The following SEPTIN8 variants were observed in gnomAD, a reference collection of about 807,000 sequenced individuals.
SEPTIN8 encodes the protein septin 8.
A neutral mutation model predicts 53.1 loss-of-function variants in SEPTIN8; 22 were observed. That is an observed-to-expected ratio of 0.41 (90% CI 0.30 to 0.59). The LOEUF is 0.59. SEPTIN8 is among the 20% of genes least tolerant of loss of function. The pLI, the probability that SEPTIN8 is intolerant of heterozygous loss-of-function variation, is 0.24. For missense variants in SEPTIN8, 536 were observed against 638.7 expected, an observed-to-expected ratio of 0.84 and a Z score of 1.73; for synonymous variants, 228 against 248.4, an observed-to-expected ratio of 0.92 and a Z score of 0.77.
rs548599650 is a variant in SEPTIN8 at position 132,773,159 on chromosome 5, T to TCTG, written c.30+3948_30+3949insCAG. On this transcript the variant is annotated intron_variant, in intron 1 of 9. Coordinates refer to ENST00000378719, the MANE Select transcript of SEPTIN8 (RefSeq NM_001098811.2). The surrounding 1 kb of genome is among the most constrained non-coding windows in gnomAD (Gnocchi z 4.2). ...AGAAGCCAACAGAGTGCCCCAGCTC[T>TCTG]ACCACAAGGGCATGGAGACCTTGGG... Among the ~76,000 whole-genome samples, 864 of 152,312 alleles carry TCTG rather than the reference T, an allele frequency of 5.7e-3. 5 individuals are homozygous for TCTG. Among genetic ancestry groups the TCTG allele is most frequent in the African/African-American group, 0.02 (828 of 41,558 alleles).
intron 9 of SEPTIN8, among the ~76,000 whole-genome samples, chr5:132,759,583 G>A (rs1755682161): frequency 6.6e-6 from 1 of 152,194 alleles, no homozygotes; most frequent in African/African-American, 2.4e-5. Flanking sequence ...GCCAGTACCT[G>A]GGTCACAGAC....
intron 9 of SEPTIN8, among the ~76,000 whole-genome samples, chr5:132,754,969 C>G (rs2149949789): frequency 6.6e-6 from 1 of 152,318 alleles, no homozygotes; most frequent in Middle Eastern, 3.4e-3. Flanking sequence ...ATAGACCTGT[C>G]TTAAACTTGT....
intron 9 of SEPTIN8, chr5:132,759,066 C>T: frequency 3.0e-6 from 2 of 662,074 alleles, no homozygotes; most frequent in Non-Finnish European, 2.9e-6. Flanking sequence ...TATGCATAAC[C>T]AATCAAAACC....
Position 132,776,551 on chromosome 5 carries a change from TC to T in SEPTIN8, c.30+556del, listed in dbSNP as rs1470539004. Among the ~76,000 whole-genome samples, 1 of 152,014 alleles carries T rather than the reference TC, an allele frequency of 6.6e-6. No homozygotes were observed. Among genetic ancestry groups the T allele is most frequent in the Non-Finnish European group, 1.5e-5 (1 of 67,986 alleles). ...ACCTGCCTGGAGTCGCACCCAGGAT[TC>T]CGGCGTGGGGAGCGGGGCAGAGGGG... On this transcript the variant is annotated intron_variant, in intron 1 of 9. Transcript: ENST00000378719. The surrounding 1 kb of genome is among the most constrained non-coding windows in gnomAD (Gnocchi z 4.4).
Position 132,761,992 on chromosome 5 carries a change from G to T in SEPTIN8, c.697-96C>A. ...CCTGGGTCCTAGGGAGGGGCAGCCA[G>T]ACCTGAACAAAGGCTCCAGGGCCAG... On this transcript the variant is annotated intron_variant, in intron 5 of 9. Transcript: ENST00000378719. This position sits in a 1 kb window ranked among gnomAD's most constrained non-coding sequence, Gnocchi z 5.8. The T allele has an allele frequency of 9.4e-7, 1 of 1,061,208 alleles. No individual in the cohort carries two copies. The highest frequency in any genetic ancestry group is 1.4e-6 in the Non-Finnish European group (1 of 738,928). The allele number at this position is 1,061,208 out of a possible 1,614,324, so 65.7% of individuals were successfully genotyped here. A position where few individuals can be genotyped will look rare whatever the true frequency, so the allele number is the denominator to read the frequency against.
chr5:132,751,981 G>A lies in SEPTIN8; in HGVS notation c.*35C>T. ...TGGTCTCCAGTTCCATGCCCTGGTG[G>A]TCCTGAGCTGGCCCCATGTGTTGGA... On this transcript the variant is annotated 3_prime_UTR_variant, in exon 10 of 10. Transcript: ENST00000378719. 6.2e-7 allele frequency: 1 copy of A among 1,611,228 alleles called. No individual in the cohort carries two copies. Among genetic ancestry groups the A allele is most frequent in the Non-Finnish European group, 8.5e-7 (1 of 1,178,946 alleles).
At chr5:132,778,907 A>G (rs1442669580), upstream of SEPTIN8, among the ~76,000 whole-genome samples, 2 of 152,324 alleles carry the variant, frequency 1.3e-5, no homozygotes, top group Middle Eastern at 3.4e-3. Context: ...TATAACTAAC[A>G]AGAAATCACG....
chr5:132,761,374 G>A lies in SEPTIN8; in HGVS notation c.962+84C>T, dbSNP rs1561748694. 2.5e-6 allele frequency: 4 copies of A among 1,587,406 alleles called. No homozygotes were observed. Among genetic ancestry groups the A allele is most frequent in the Non-Finnish European group, 3.4e-6 (4 of 1,169,052 alleles). The stretch of plus-strand genomic sequence containing the variant: ...ATGTGGGCACGAGGGGTAAGAGGAT[G>A]TGGGGTCCCTCAGGGAACAGATGCC... On this transcript the variant is annotated intron_variant, in intron 7 of 9. Transcript: ENST00000378719. This position sits in a 1 kb window ranked among gnomAD's most constrained non-coding sequence, Gnocchi z 5.8.
At chr5:132,758,812 G>A (rs1010171691) in intron 9 of SEPTIN8, 1 of 1,614,014 alleles carries the variant, frequency 6.2e-7, no homozygotes, top group Admixed American at 1.7e-5. Context: ...ATGTAAGTCT[G>A]TGCGTGCGTT....
At chr5:132,753,040 C>A in intron 9 of SEPTIN8, 1 of 1,255,660 alleles carries the variant, frequency 8.0e-7, no homozygotes, top group Non-Finnish European at 1.2e-6. Flanking sequence ...ACCATGAGTT[C>A]TTTGGCTTGT....
chr5:132,767,061 C>T (rs916139943), intron 1 of SEPTIN8, among the ~76,000 whole-genome samples: 26 of 152,174 alleles, frequency 1.7e-4, no homozygotes, highest in African/African-American at 6.3e-4. Flanking sequence ...TACCCCTAAA[C>T]CTGCTTTCTC....
Position 132,763,717 on chromosome 5 carries a change from G to T in SEPTIN8, c.523C>A (p.Leu175Ile), listed in dbSNP as rs1270388563. The change falls in exon 4 of 10, where the codon CTA (leucine) becomes ATA (isoleucine). Residue 175 changes from leucine (L) to isoleucine (I), a missense_variant. By Grantham distance (5) the Leu-to-Ile change is conservative. This residue lies in a region of SEPTIN8 where 395 missense variants were observed against 451.8 expected (regional missense o/e 0.87). Coordinates refer to ENST00000378719, the MANE Select transcript of SEPTIN8 (RefSeq NM_001098811.2). ...KSLDLVTMKK[L>I]DSKVNIIPII... The stretch of plus-strand genomic sequence containing the variant: ...GGGGACAGGGATACCTTGCTGTCTA[G>T]TTTCTTCATGGTCACTAGATCTAGA... The T allele has an allele frequency of 6.2e-7, 1 of 1,613,948 alleles. No homozygotes were observed. The highest frequency in any genetic ancestry group is 8.5e-7 in the Non-Finnish European group (1 of 1,179,928).
At chr5:132,767,604 G>A (rs1478865187) in intron 1 of SEPTIN8, among the ~76,000 whole-genome samples, 1 of 151,984 alleles carries the variant, frequency 6.6e-6, no homozygotes, top group Non-Finnish European at 1.5e-5. Flanking sequence ...CCATTACTAT[G>A]CCCAACATGC....
chr5:132,767,416 C>T (rs1756712278), intron 1 of SEPTIN8, among the ~76,000 whole-genome samples: 1 of 152,126 alleles, frequency 6.6e-6, no homozygotes, highest in South Asian at 2.1e-4. Context: ...TCCCTTGGCA[C>T]CCACTCTCAC....
intron 1 of SEPTIN8, 83 bp from the exon 2 acceptor site, chr5:132,765,612 A>G (rs1756503816): frequency 6.8e-7 from 1 of 1,468,972 alleles, no homozygotes; most frequent in African/African-American, 1.4e-5. Context: ...ATCTGAGTTA[A>G]AACAGTGAAG....
At chr5:132,764,201 G>T in intron 3 of SEPTIN8, 23 bp downstream of exon 3, 1 of 1,594,362 alleles carries the variant, frequency 6.3e-7, no homozygotes, top group Non-Finnish European at 8.6e-7. Flanking sequence ...AGGCTGGGTG[G>T]GGCCGCCCTT....
chr5:132,772,675 C>T lies in SEPTIN8; in HGVS notation c.30+4433G>A, dbSNP rs557236234. ...GATGGATGCCAGTGCTGGAAAGGGA[C>T]GGAGGAATGCATGGGCACCAATACG... On this transcript the variant is annotated intron_variant, in intron 1 of 9. Coordinates refer to ENST00000378719, the MANE Select transcript of SEPTIN8 (RefSeq NM_001098811.2). 1.2e-4 allele frequency among the ~76,000 whole-genome samples: 19 copies of T among 152,286 alleles called. No homozygotes were observed. In the South Asian group the frequency reaches 2.9e-3, roughly 23 times the overall value.
In SEPTIN8 at chr5:132,751,972, G is replaced by A; in HGVS notation, c.*44C>T. 1 of 1,610,230 alleles carries A rather than the reference G, an allele frequency of 6.2e-7. No individual in the cohort carries two copies. Among genetic ancestry groups the A allele is most frequent in the Non-Finnish European group, 8.5e-7 (1 of 1,178,412 alleles). On this transcript the variant is annotated 3_prime_UTR_variant, in exon 10 of 10. Transcript: ENST00000378719. ...TAAAAACCATGGTCTCCAGTTCCAT[G>A]CCCTGGTGGTCCTGAGCTGGCCCCA...
chr5:132,774,954 C>A (rs1176424552), intron 1 of SEPTIN8, among the ~76,000 whole-genome samples: 1 of 152,186 alleles, frequency 6.6e-6, no homozygotes, highest in African/African-American at 2.4e-5. Context: ...GGAGTCCAGA[C>A]TTAAATTCAG....
Sources: gnomAD v4.1 joint callset for allele counts (sites outside exome capture counted in the v4.1 genomes callset) on GRCh38, gnomAD v4.1.1 for gene constraint, gnomAD v4.1.1 regional missense constraint, Gnocchi (gnomAD v3.1) non-coding constraint, MANE v1.5 for transcripts, NCBI Gene and HGNC (gene_info 2026-07-23, HGNC 2026-07-21) for gene names.